FBN1: variants seen among roughly 807,000 people sequenced by gnomAD.
FBN1 encodes the protein fibrillin-1.
FBN1 carries 29 observed loss-of-function variants against 365.1 expected under a neutral mutation model. The ratio of observed to expected loss-of-function variants is 0.08; its 90% CI spans 0.06 to 0.11. The LOEUF (loss-of-function observed/expected upper bound fraction) is 0.11. Ranked by LOEUF, FBN1 falls within the 10% of genes least tolerant of loss-of-function variation. The pLI, the probability that FBN1 is intolerant of heterozygous loss-of-function variation, is 1.00. For synonymous variants in FBN1, 1,210 were observed against 1,270.5 expected (o/e 0.95, Z 1.01); for missense variants, 2,476 against 3,703.2 (o/e 0.67, Z 8.60).
At chr15:48,528,092 T>A (rs1335640666) in intron 8 of FBN1, among the ~76,000 whole-genome samples, 3 of 152,258 alleles carry the variant, frequency 2.0e-5, no homozygotes, top group Non-Finnish European at 4.4e-5. Context: ...AAAGTTAGTA[T>A]CTGAGTCCTA....
intron 51 of FBN1, 133 bp downstream of exon 51, chr15:48,437,635 T>G: frequency 9.4e-7 from 1 of 1,068,310 alleles, no homozygotes; most frequent in Non-Finnish European, 1.4e-6. Flanking sequence ...TAAAATAATT[T>G]TTAATGAACA....
At chr15:48,491,958 C>T (rs1218825049) in intron 24 of FBN1, among the ~76,000 whole-genome samples, 2 of 152,164 alleles carry the variant, frequency 1.3e-5, no homozygotes, top group Non-Finnish European at 2.9e-5. Flanking sequence ...CATTTGGGCT[C>T]TAGCAGTTGG....
chr15:48,486,368 G>C (rs1268713859), intron 29 of FBN1, among the ~76,000 whole-genome samples: 1 of 152,146 alleles, frequency 6.6e-6, no homozygotes, highest in Non-Finnish European at 1.5e-5. Context: ...GTTCCACATG[G>C]TGTACACCCC....
rs760637902 is a variant in FBN1 at position 48,526,142 on chromosome 15, T to C, written c.976A>G (p.Thr326Ala). The C allele has an allele frequency of 1.2e-6, 2 of 1,614,200 alleles. No individual in the cohort carries two copies. The highest frequency in any genetic ancestry group is 1.7e-6 in the Non-Finnish European group (2 of 1,180,014). Residue 326 changes from threonine (T) to alanine (A), a missense_variant, in exon 9 of 66, where the codon ACC becomes GCC. Physicochemically the swap from Thr to Ala is moderately conservative, Grantham distance 58. Transcript: ENST00000316623. ...PPGFYTSPDG[T>A]RCIDVRPGYC... ...TCATTAAACCTACCTATGCATCTGG[T>C]ACCATCTGGAGAGGTGTAAAAACCA...
At chr15:48,536,941 A>G (rs2044018259) in intron 7 of FBN1, among the ~76,000 whole-genome samples, 1 of 152,202 alleles carries the variant, frequency 6.6e-6, no homozygotes, top group Non-Finnish European at 1.5e-5. Context: ...CAATCCCATC[A>G]GTTTAGTGTG....
intron 6 of FBN1, among the ~76,000 whole-genome samples, chr15:48,595,888 T>C (rs779730531): frequency 6.6e-6 from 1 of 152,202 alleles, no homozygotes; most frequent in Non-Finnish European, 1.5e-5. Flanking sequence ...GTGCTTTTCA[T>C]ACTGAAATTC....
At chr15:48,436,848 A>G in intron 53 of FBN1, 113 bp downstream of exon 53, 3 of 786,388 alleles carry the variant, frequency 3.8e-6, no homozygotes, top group Non-Finnish European at 7.0e-6. Context: ...GAGTGGATGG[A>G]TAAAACTTAT....
At chr15:48,603,746 G>A (rs1312221442) in intron 4 of FBN1, among the ~76,000 whole-genome samples, 1 of 152,136 alleles carries the variant, frequency 6.6e-6, no homozygotes, top group Non-Finnish European at 1.5e-5. Context: ...AACTCAATCT[G>A]TGTTAAGATT....
At position 48,485,412 on chromosome 15, in the gene FBN1, G is replaced by A. The variant is rs775532488; in HGVS notation, c.3674C>T (p.Pro1225Leu). ...SEGSYECSCQ[P>L]GFALMPDQRS... The stretch of plus-strand genomic sequence containing the variant: ...CTGGTCAGGCATTAGTGCAAATCCC[G>A]GCTGACAGCTACATTCATAGCTGCC... The change falls in exon 30 of 66, where the codon CCG (proline) becomes CTG (leucine). Residue 1225 changes from proline to leucine, a missense_variant. Pro to Leu is a moderately conservative substitution (Grantham distance 98). Transcript: ENST00000316623. 41 of 1,614,010 alleles carry A rather than the reference G, an allele frequency of 2.5e-5. No homozygotes were observed. Among genetic ancestry groups the A allele is most frequent in the Middle Eastern group, 1.6e-4 (1 of 6,084 alleles).
intron 2 of FBN1, among the ~76,000 whole-genome samples, chr15:48,639,378 C>T (rs1890158145): frequency 6.6e-6 from 1 of 152,070 alleles, no homozygotes; most frequent in Admixed American, 6.5e-5. Context: ...ATAGATGTTA[C>T]CTAAATGTTA....
chr15:48,623,088 G>A (rs978296953), intron 2 of FBN1, among the ~76,000 whole-genome samples: 1 of 151,976 alleles, frequency 6.6e-6, no homozygotes, highest in African/African-American at 2.4e-5. Context: ...TTGTTCTTCA[G>A]GCACAGAAAC....
In FBN1 at chr15:48,505,039, C is replaced by T. The variant is rs2043696596; in HGVS notation, c.1946G>A (p.Gly649Asp). ...TGTTTTCTTACCAACACACACACGG[C>T]CATCCAGACCCACAGCCAGTCCAGG... ...CFPGLAVGLD[G>D]RVCVDTHMRS... The change falls in exon 16 of 66, where the codon GGC becomes GAC. Residue 649 changes from glycine to aspartate, a missense_variant. Around this residue, in one of 5 missense-constraint regions of FBN1, gnomAD observed 1,780 missense variants for 2,840.8 expected, o/e 0.63. Transcript: ENST00000316623. 6.2e-7 allele frequency: 1 copy of T among 1,614,150 alleles called. No individual in the cohort carries two copies. Among genetic ancestry groups the T allele is most frequent in the Non-Finnish European group, 8.5e-7 (1 of 1,180,024 alleles).
intron 6 of FBN1, among the ~76,000 whole-genome samples, chr15:48,577,534 C>CT (rs1277158140): frequency 6.6e-6 from 1 of 152,130 alleles, no homozygotes; most frequent in Admixed American, 6.6e-5. Flanking sequence ...TTAAATCGCC[C>CT]TTTTTTTCCT....
chr15:48,539,178 A>G (rs976172509), intron 6 of FBN1, among the ~76,000 whole-genome samples: 14 of 152,090 alleles, frequency 9.2e-5, no homozygotes, highest in Non-Finnish European at 8.8e-5. Flanking sequence ...TTTCAACTCC[A>G]TCTGCTCCCC....
intron 2 of FBN1, among the ~76,000 whole-genome samples, chr15:48,625,759 T>A (rs1393560110): frequency 6.6e-6 from 1 of 152,238 alleles, no homozygotes; most frequent in African/African-American, 2.4e-5. Flanking sequence ...CCGTTTTGAA[T>A]CCTATTTGGT....
At chr15:48,603,861 C>T (rs531979778) in intron 4 of FBN1, among the ~76,000 whole-genome samples, 2 of 152,332 alleles carry the variant, frequency 1.3e-5, no homozygotes, top group Non-Finnish European at 2.9e-5. Flanking sequence ...CCCTTGAAGA[C>T]GAGCAGACAG....
chr15:48,487,565 G>C, intron 27 of FBN1, 128 bp from the exon 28 acceptor site: 1 of 1,313,498 alleles, frequency 7.6e-7, no homozygotes, highest in Non-Finnish European at 1.1e-6. Flanking sequence ...CAACTCTCTG[G>C]TGCTATTCAT....
Position 48,474,257 on chromosome 15 carries a change from G to T in FBN1, c.4208C>A (p.Thr1403Lys), listed in dbSNP as rs1158045779. The T allele has an allele frequency of 6.2e-7, 1 of 1,614,086 alleles. No individual in the cohort carries two copies. ...AGTTGTTTCCAGCGTGAACATACCT[G>T]TACAAGTGAAGCCATCACCTGTGTA... ...EGYTGDGFTC[T>K]DLDECSENLN... The change falls in exon 34 of 66, where the codon ACA becomes AAA. Residue 1403 changes from threonine to lysine, a missense_variant and splice_region_variant. Coordinates refer to ENST00000316623, the MANE Select transcript of FBN1 (RefSeq NM_000138.5).
At chr15:48,414,757 G>A (rs555786781) in intron 64 of FBN1, among the ~76,000 whole-genome samples, 25 of 151,970 alleles carry the variant, frequency 1.6e-4, no homozygotes, top group East Asian at 5.8e-4. Context: ...TTAGCCGGGC[G>A]TGGTGGCGGG....
Sources: gnomAD v4.1 joint callset for allele counts (sites outside exome capture counted in the v4.1 genomes callset) on GRCh38, gnomAD v4.1.1 for gene constraint, gnomAD v4.1.1 regional missense constraint, MANE v1.5 for transcripts, NCBI Gene and HGNC (gene_info 2026-07-23, HGNC 2026-07-21) for gene names.